HSF2: variants seen among roughly 807,000 people sequenced by gnomAD.
HSF2 encodes the protein heat shock factor protein 2.
A neutral mutation model predicts 65.0 loss-of-function variants in HSF2; 21 were observed. The observed-to-expected ratio is 0.32, with a 90% CI of 0.23 to 0.47. The LOEUF is 0.47. Ranked by LOEUF, HSF2 falls within the 20% of genes least tolerant of loss-of-function variation. The probability of loss-of-function intolerance (pLI) is 1.00; values close to 1 mark genes in which losing one functional copy is unlikely to be tolerated. For missense variants in HSF2, 499 were observed against 628.1 expected, an observed-to-expected ratio of 0.79 and a Z score of 2.20; for synonymous variants, 225 against 219.1, an observed-to-expected ratio of 1.03 and a Z score of -0.24.
At chr6:122,402,973 A>C (rs1773774454) in intron 1 of HSF2, among the ~76,000 whole-genome samples, 1 of 151,904 alleles carries the variant, frequency 6.6e-6, no homozygotes, top group Admixed American at 6.6e-5. Flanking sequence ...CTTTTAGAAG[A>C]AGCAGTTGTT....
At chr6:122,426,543 AT>A (rs1774342206) in intron 10 of HSF2, among the ~76,000 whole-genome samples, 1 of 152,016 alleles carries the variant, frequency 6.6e-6, no homozygotes, top group South Asian at 2.1e-4. Flanking sequence ...ACTGGCAGAG[AT>A]TGATTATTAT....
chr6:122,432,284 T>G lies in HSF2; in HGVS notation c.*64T>G. The G allele has an allele frequency of 7.5e-7, 1 of 1,325,394 alleles. No individual in the cohort carries two copies. The highest frequency in any genetic ancestry group is 1.0e-6 in the Non-Finnish European group (1 of 956,872). 82.1% of individuals were successfully genotyped at this position (1,325,394 alleles called of 1,614,324 possible). ...AAATGATGAACTATTTATTTTAAAG[T>G]ATCATTTGGTACTTTTTTTGTAAAT... On this transcript the variant is annotated 3_prime_UTR_variant, in exon 13 of 13. Transcript: ENST00000368455.
At chr6:122,423,070 C>A in intron 9 of HSF2, 113 bp downstream of exon 9, 2 of 1,168,862 alleles carry the variant, frequency 1.7e-6, no homozygotes, top group Non-Finnish European at 2.5e-6. Flanking sequence ...CATAGTCCAC[C>A]TTTCTCTGTT....
intron 10 of HSF2, among the ~76,000 whole-genome samples, chr6:122,424,898 T>C (rs45533533): frequency 5.9e-5 from 9 of 152,160 alleles, no homozygotes; most frequent in Non-Finnish European, 1.3e-4. Context: ...CTTTAAAACA[T>C]TTGCCACATT....
intron 6 of HSF2, 38 bp downstream of exon 6, chr6:122,419,267 G>C (rs1774184149): frequency 2.0e-6 from 2 of 1,008,990 alleles, no homozygotes; most frequent in Non-Finnish European, 3.0e-6. Flanking sequence ...CCTGTATATA[G>C]GCAGTCACAC....
intron 1 of HSF2, among the ~76,000 whole-genome samples, chr6:122,402,758 G>A (rs879549645): frequency 1.3e-5 from 2 of 151,984 alleles, no homozygotes; most frequent in African/African-American, 4.8e-5. Context: ...TCACCATGTT[G>A]GCCAGGCAGT....
At chr6:122,407,455 CTAAT>C (rs1183491862) in intron 1 of HSF2, among the ~76,000 whole-genome samples, 2 of 152,186 alleles carry the variant, frequency 1.3e-5, no homozygotes. Flanking sequence ...TTTTACCAAT[CTAAT>C]TGATGTAAAG....
intron 1 of HSF2, among the ~76,000 whole-genome samples, chr6:122,410,925 TG>T (rs1200572184): frequency 2.7e-5 from 4 of 146,378 alleles, no homozygotes; most frequent in African/African-American, 1.0e-4. Flanking sequence ...TTTTTTGTTT[TG>T]TTTTTTTGTT....
chr6:122,413,481 G>C, intron 3 of HSF2, 44 bp from the exon 4 acceptor site: 1 of 1,419,744 alleles, frequency 7.0e-7, no homozygotes. Flanking sequence ...TACAATCATG[G>C]GTGTTTACTG....
chr6:122,401,509 GT>G (rs2114414888), intron 1 of HSF2, among the ~76,000 whole-genome samples: 1 of 152,254 alleles, frequency 6.6e-6, no homozygotes, highest in Admixed American at 6.5e-5. Flanking sequence ...TAGCAACAGT[GT>G]TTTAATAACA....
chr6:122,406,569 A>G (rs1773872407), intron 1 of HSF2, among the ~76,000 whole-genome samples: 1 of 152,188 alleles, frequency 6.6e-6, no homozygotes, highest in Admixed American at 6.5e-5. Flanking sequence ...GCAGCAGTCA[A>G]GGTATTGAGA....
chr6:122,431,917 C>G lies in HSF2; in HGVS notation c.1316-8C>G, dbSNP rs759285720. The G allele has an allele frequency of 6.2e-7, 1 of 1,605,074 alleles. No homozygotes were observed. Among genetic ancestry groups the G allele is most frequent in the Non-Finnish European group, 8.5e-7 (1 of 1,176,344 alleles). ...GGTGATAAAAGAGTGTTTTTCTGATCTTTATAGATAAGCAGCTTATCCAGT... is the reference window on the plus strand; with the variant it reads ...GGTGATAAAAGAGTGTTTTTCTGATGTTTATAGATAAGCAGCTTATCCAGT... On this transcript the variant is annotated splice_region_variant and splice_polypyrimidine_tract_variant and intron_variant, in intron 12 of 12. Coordinates refer to ENST00000368455, the MANE Select transcript of HSF2 (RefSeq NM_004506.4).
chr6:122,431,455 C>G lies in HSF2; in HGVS notation c.1256C>G (p.Thr419Ser). The change falls in exon 12 of 13, where the codon ACC becomes AGC. Residue 419 changes from threonine to serine, a missense_variant. Physicochemically the swap from Thr to Ser is moderately conservative, Grantham distance 58 (BLOSUM62 1). This residue lies in a region of HSF2 where 349 missense variants were observed against 393.5 expected (regional missense o/e 0.89). Transcript: ENST00000368455. ...TKSENKGLET[T>S]KNNVVQPVSE... ...TCTGAGAATAAAGGATTAGAAACTA[C>G]CAAGAACAATGTAGTTCAGCCAGTT... The G allele has an allele frequency of 6.4e-7, 1 of 1,574,548 alleles. No homozygotes were observed. Among genetic ancestry groups the G allele is most frequent in the Non-Finnish European group, 8.7e-7 (1 of 1,154,972 alleles).
In HSF2 at chr6:122,432,374, ACACT is replaced by A. The variant is rs1774494584; in HGVS notation, c.*156_*159del. 9.6e-6 allele frequency: 6 copies of A among 624,828 alleles called. No individual in the cohort carries two copies. 38.7% of individuals were successfully genotyped at this position (624,828 alleles called of 1,614,324 possible). A position where few individuals can be genotyped will look rare whatever the true frequency, so the allele number is the denominator to read the frequency against. ...ACCTTTTGCTTTTCTCACTAACCAC[ACACT>A]CTTGCAGAGCTTTCAGGTGTTACTC... On this transcript the variant is annotated 3_prime_UTR_variant, in exon 13 of 13. Coordinates refer to ENST00000368455, the MANE Select transcript of HSF2 (RefSeq NM_004506.4).
intron 5 of HSF2, among the ~76,000 whole-genome samples, chr6:122,417,895 C>T (rs1017012797): frequency 6.6e-6 from 1 of 152,146 alleles, no homozygotes; most frequent in African/African-American, 2.4e-5. Flanking sequence ...TTAACATTTT[C>T]TCTTGAATAA....
At chr6:122,422,450 A>G (rs1009780821) in intron 8 of HSF2, 152 bp downstream of exon 8, 5 of 738,354 alleles carry the variant, frequency 6.8e-6, no homozygotes, top group African/African-American at 1.8e-5. Context: ...ATTCAACCAG[A>G]TAAAACCTCA....
At chr6:122,423,558 TAA>T in intron 9 of HSF2, 21 bp from the exon 10 acceptor site, 1 of 1,388,146 alleles carries the variant, frequency 7.2e-7, no homozygotes, top group Non-Finnish European at 9.9e-7. Flanking sequence ...AATATTTGAT[TAA>T]AAAAATTTTT....
At position 122,422,798 on chromosome 6, in the gene HSF2, A is replaced by C; in HGVS notation, c.911A>C (p.Gln304Pro). 1 of 1,613,614 alleles carries C rather than the reference A, an allele frequency of 6.2e-7. No homozygotes were observed. The highest frequency in any genetic ancestry group is 1.3e-5 in the African/African-American group (1 of 75,012). The change falls in exon 9 of 13, where the codon CAG (glutamine) becomes CCG (proline). Residue 304 changes from glutamine to proline, a missense_variant. Transcript: ENST00000368455. ...GCACCTGTCATTCAGAGTGGAGAGC[A>C]GAATGAACCAGCCAGAGAATCCCTA... ...EYAPVIQSGE[Q>P]NEPARESLSS...
intron 1 of HSF2, among the ~76,000 whole-genome samples, chr6:122,406,505 CTA>C (rs1411492228): frequency 6.6e-6 from 1 of 152,112 alleles, no homozygotes; most frequent in African/African-American, 2.4e-5. Flanking sequence ...AGTTAGAAGA[CTA>C]TCACAGTTTT....
Sources: gnomAD v4.1 joint callset for allele counts (sites outside exome capture counted in the v4.1 genomes callset) on GRCh38, gnomAD v4.1.1 for gene constraint, gnomAD v4.1.1 regional missense constraint, MANE v1.5 for transcripts, NCBI Gene and HGNC (gene_info 2026-07-23, HGNC 2026-07-21) for gene names.